Variants in ZRSR2 observed in about 807,000 individuals in gnomAD.
The protein encoded by ZRSR2 is U2 small nuclear ribonucleoprotein auxiliary factor 35 kDa subunit-related protein 2.
ZRSR2 carries 3 observed loss-of-function variants against 39.4 expected under a neutral mutation model. The observed-to-expected ratio is 0.08, with a 90% CI of 0.03 to 0.20. ZRSR2 has a LOEUF of 0.20. ZRSR2 is among the 10% of genes least tolerant of loss of function. The pLI is 1.00. For synonymous variants in ZRSR2, 137 were observed against 136.0 expected, an observed-to-expected ratio of 1.01 and a Z score of -0.05; for missense variants, 256 against 391.5, an observed-to-expected ratio of 0.65 and a Z score of 2.92.
chrX:15,812,904 C>T (rs1469957365), intron 7 of ZRSR2, among the ~76,000 whole-genome samples: 2 of 112,218 alleles, frequency 1.8e-5, no homozygotes, highest in African/African-American at 6.5e-5. Context: ...GCACCAGATT[C>T]TAAAGGTTTC....
At chrX:15,796,035 GTT>G (rs1204516849) in intron 2 of ZRSR2, among the ~76,000 whole-genome samples, 2 of 104,090 alleles carry the variant, frequency 1.9e-5, no homozygotes, top group Non-Finnish European at 2.0e-5. Flanking sequence ...TTTGTTTTTT[GTT>G]TTTTTTTTTG....
intron 5 of ZRSR2, among the ~76,000 whole-genome samples, chrX:15,807,897 A>G (rs1486959732): frequency 9.1e-6 from 1 of 109,302 alleles, no homozygotes; most frequent in Admixed American, 9.8e-5. Flanking sequence ...AAAGTTATCC[A>G]GGCGTGGTGG....
At chrX:15,815,078 A>G (rs1932943775) in intron 7 of ZRSR2, among the ~76,000 whole-genome samples, 1 of 111,708 alleles carries the variant, frequency 9.0e-6, no homozygotes, top group South Asian at 3.7e-4. Flanking sequence ...TTCAACATGT[A>G]TAGGCTTCCT....
chrX:15,799,997 T>C, intron 3 of ZRSR2, 44 bp downstream of exon 3: 1 of 996,903 alleles, frequency 1.0e-6, no homozygotes. Context: ...AGTTATTTTA[T>C]TGGAATATTA....
chrX:15,823,107 C>T lies in ZRSR2; in HGVS notation c.1314C>T (p.Gly438=), dbSNP rs1933161317. 2.5e-6 allele frequency: 3 copies of T among 1,205,873 alleles called. No individual in the cohort carries two copies. The highest frequency in any genetic ancestry group is 3.4e-6 in the Non-Finnish European group (3 of 892,463). The change falls in exon 11 of 11, where the codon GGC becomes GGT. Residue 438 remains glycine (G), a synonymous_variant. Coordinates refer to ENST00000307771, the MANE Select transcript of ZRSR2 (RefSeq NM_005089.4). The part of the protein sequence containing the change: ...DRSRDRSRGR[G]SRSRSRSRSR... ...GCAGGGACCGCAGCCGGGGCCGGGG[C>T]AGCCGGAGCCGGAGCCGGAGCCGGA... is the stretch of plus-strand genomic sequence containing the variant.
intron 2 of ZRSR2, 74 bp from the exon 3 acceptor site, chrX:15,799,798 A>G: frequency 3.2e-6 from 2 of 632,792 alleles, no homozygotes; most frequent in Non-Finnish European, 4.9e-6. Flanking sequence ...ATTAAAGATT[A>G]CATGTATTTT....
intron 5 of ZRSR2, among the ~76,000 whole-genome samples, chrX:15,807,857 T>C (rs1386959425): frequency 9.3e-6 from 1 of 108,065 alleles, no homozygotes; most frequent in Non-Finnish European, 1.9e-5. Flanking sequence ...CTGGGCAACA[T>C]GGTGAAACTC....
chrX:15,822,637 A>G (rs1933137340), intron 10 of ZRSR2, 94 bp from the exon 11 acceptor site: 1 of 1,182,928 alleles, frequency 8.5e-7, no homozygotes, highest in Middle Eastern at 2.8e-4. Context: ...GTTCTAGCAT[A>G]TCCAAATATC....
chrX:15,790,702 G>A (rs1932243254), intron 1 of ZRSR2, among the ~76,000 whole-genome samples, 166 bp downstream of exon 1: 1 of 112,157 alleles, frequency 8.9e-6, no homozygotes, highest in Non-Finnish European at 1.9e-5. Context: ...TGCACGGGCG[G>A]CTGTGGCTCA....
intron 6 of ZRSR2, among the ~76,000 whole-genome samples, 158 bp from the exon 7 acceptor site, chrX:15,809,042 G>A (rs143880785): frequency 1.2e-4 from 14 of 112,111 alleles, no homozygotes; most frequent in Admixed American, 1.9e-4. Context: ...TCTCAGTACC[G>A]TTGTTTGTAA....
rs1198232036 is a variant in ZRSR2, at chrX:15,801,898, C to A, written c.204-1790C>A. The A allele has an allele frequency of 6.2e-5, 7 of 112,077 alleles. No individual in the cohort carries two copies. The Admixed American group carries it at 6.6e-4, about 11-fold the overall frequency. The allele number at this position is 112,077 out of a possible 1,213,427, so 9.2% of individuals were successfully genotyped here. On this transcript the variant is annotated intron_variant, in intron 3 of 10. Transcript: ENST00000307771. Reference sequence around the variant, plus strand: ...TAAAAATACTGTATGACTTTATGTCCTATTTCAAAGCAGATGTATATTCAA... The same window carrying A: ...TAAAAATACTGTATGACTTTATGTCATATTTCAAAGCAGATGTATATTCAA...
At chrX:15,796,175 C>T (rs1299296960) in intron 2 of ZRSR2, among the ~76,000 whole-genome samples, 5 of 111,020 alleles carry the variant, frequency 4.5e-5, no homozygotes, top group Non-Finnish European at 7.5e-5. Context: ...ATTACAGACA[C>T]GCACCACCGC....
intron 5 of ZRSR2, among the ~76,000 whole-genome samples, chrX:15,805,212 C>A (rs1209296970): frequency 1.8e-5 from 2 of 112,125 alleles, no homozygotes; most frequent in Non-Finnish European, 3.8e-5. Context: ...AGATTTTAAA[C>A]ACCTTTATTT....
chrX:15,822,939 C>A lies in ZRSR2; in HGVS notation c.1146C>A (p.Asn382Lys), dbSNP rs200298669. ...ACAGCAGGCTGCGGGGAAGGAGAAA[C>A]CCTAGTCCAGACCACTCCTACAAAA... ...DYYSRLRGRR[N>K]PSPDHSYKRN... Residue 382 changes from asparagine (N) to lysine (K), a missense_variant, in exon 11 of 11, where the codon AAC (asparagine) becomes AAA (lysine). Asn to Lys is a moderately conservative substitution (Grantham distance 94, BLOSUM62 0). Around this residue, in one of 3 missense-constraint regions of ZRSR2, gnomAD observed 111 missense variants for 116.7 expected, o/e 0.95. Coordinates refer to ENST00000307771, the MANE Select transcript of ZRSR2 (RefSeq NM_005089.4). 40 of 1,211,153 alleles carry A rather than the reference C, an allele frequency of 3.3e-5. No individual in the cohort carries two copies. In the East Asian group the frequency reaches 1.2e-3, roughly 36 times the overall value.
At chrX:15,797,745 G>A (rs768307462) in intron 2 of ZRSR2, among the ~76,000 whole-genome samples, 1 of 111,076 alleles carries the variant, frequency 9.0e-6, no homozygotes, top group East Asian at 2.8e-4. Context: ...GTTCAAACCT[G>A]TGTTGTTCAA....
intron 8 of ZRSR2, among the ~76,000 whole-genome samples, chrX:15,818,092 A>G (rs933264610): frequency 2.7e-5 from 3 of 111,641 alleles, no homozygotes; most frequent in African/African-American, 9.8e-5. Flanking sequence ...ATATGCCTGT[A>G]TCTGTGTATT....
intron 4 of ZRSR2, 24 bp downstream of exon 4, chrX:15,803,820 G>A: frequency 8.5e-7 from 1 of 1,174,205 alleles, no homozygotes; most frequent in Non-Finnish European, 1.1e-6. Flanking sequence ...CACGTAACTA[G>A]TGAACAAACT....
chrX:15,790,631 A>C, intron 1 of ZRSR2, 95 bp downstream of exon 1: 1 of 1,069,394 alleles, frequency 9.4e-7, no homozygotes, highest in Non-Finnish European at 1.3e-6. Context: ...GGCCAAGCTA[A>C]GTGAGCCACC....
chrX:15,805,978 A>G (rs1363541011), intron 5 of ZRSR2, among the ~76,000 whole-genome samples: 1 of 110,245 alleles, frequency 9.1e-6, no homozygotes, highest in East Asian at 2.8e-4. Flanking sequence ...GATGTGATAG[A>G]GTAATGAGAA....
Sources: allele counts gnomAD v4.1 joint callset (sites outside exome capture counted in the v4.1 genomes callset), GRCh38; gene constraint gnomAD v4.1.1; regional missense constraint gnomAD v4.1.1; transcripts MANE v1.5; gene names NCBI Gene and HGNC (gene_info 2026-07-23, HGNC 2026-07-21).